Variants in LUZP2 observed in about 807,000 individuals in gnomAD.
The protein encoded by LUZP2 is leucine zipper protein 2.
In LUZP2, 52 loss-of-function variants were observed where a neutral mutation model predicts 51.6. The ratio of observed to expected loss-of-function variants is 1.01; its 90% CI spans 0.81 to 1.27. LUZP2 has a LOEUF of 1.27. Among genes scored for constraint, LUZP2 ranks in the 50% most tolerant of loss-of-function variants. The pLI is 0.00. For missense variants in LUZP2, 436 were observed against 395.4 expected (o/e 1.10, Z -0.87); for synonymous variants, 154 against 137.3 (o/e 1.12, Z -0.85).
chr11:24,542,377 A>G (rs1485391130), intron 1 of LUZP2, among the ~76,000 whole-genome samples: 1 of 152,070 alleles, frequency 6.6e-6, no homozygotes, highest in Non-Finnish European at 1.5e-5. Context: ...ATGAGGTCAT[A>G]CCCACACCTG....
At chr11:24,547,281 A>G (rs183145083) in intron 1 of LUZP2, among the ~76,000 whole-genome samples, 1 of 152,060 alleles carries the variant, frequency 6.6e-6, no homozygotes, top group Admixed American at 6.6e-5. Flanking sequence ...AACAAAAAGA[A>G]CAAGCTGGAG....
intron 9 of LUZP2, 57 bp from the exon 10 acceptor site, chr11:25,049,981 C>T: frequency 1.0e-6 from 1 of 972,610 alleles, no homozygotes; most frequent in South Asian, 1.8e-5. Context: ...TTTGTTCAAA[C>T]TATTTCTCTT....
chr11:24,498,423 T>C (rs1438712431), intron 1 of LUZP2, among the ~76,000 whole-genome samples: 1 of 152,220 alleles, frequency 6.6e-6, no homozygotes, highest in Non-Finnish European at 1.5e-5. Context: ...TCTACACACC[T>C]TCTTTCAGGC....
At chr11:24,571,763 G>A (rs894947121) in intron 1 of LUZP2, among the ~76,000 whole-genome samples, 3 of 152,030 alleles carry the variant, frequency 2.0e-5, no homozygotes, top group Non-Finnish European at 4.4e-5. Context: ...TTCTTGAGAA[G>A]TAACGACTGC....
chr11:24,575,319 G>A (rs1852607403), intron 1 of LUZP2, among the ~76,000 whole-genome samples: 1 of 151,954 alleles, frequency 6.6e-6, no homozygotes, highest in Admixed American at 6.6e-5. Flanking sequence ...GATATCTTTG[G>A]TCAGTTATTG....
intron 1 of LUZP2, among the ~76,000 whole-genome samples, chr11:24,531,301 A>C (rs1248628039): frequency 1.3e-5 from 2 of 150,752 alleles, no homozygotes; most frequent in Non-Finnish European, 3.0e-5. Flanking sequence ...TAATTATAAT[A>C]ATTTTAATTG....
At chr11:24,621,362 C>T (rs1854488341) in intron 1 of LUZP2, among the ~76,000 whole-genome samples, 1 of 152,172 alleles carries the variant, frequency 6.6e-6, no homozygotes, top group Non-Finnish European at 1.5e-5. Flanking sequence ...AAGCCCTATG[C>T]TTGCAGCAAT....
chr11:24,581,198 A>C (rs1852840107), intron 1 of LUZP2, among the ~76,000 whole-genome samples: 1 of 125,014 alleles, frequency 8.0e-6, no homozygotes. Context: ...TTCACTGGCC[A>C]AAAAAAAAAA....
At chr11:24,699,927 C>T (rs1857372990) in intron 1 of LUZP2, among the ~76,000 whole-genome samples, 1 of 151,354 alleles carries the variant, frequency 6.6e-6, no homozygotes, top group Non-Finnish European at 1.5e-5. Context: ...CCAACAACAA[C>T]AGAAGAGGGT....
At chr11:24,896,902 A>T (rs1853082260) in intron 5 of LUZP2, among the ~76,000 whole-genome samples, 1 of 152,168 alleles carries the variant, frequency 6.6e-6, no homozygotes, top group South Asian at 2.1e-4. Flanking sequence ...GGACTTGGAG[A>T]AATTTTATGT....
intron 9 of LUZP2, among the ~76,000 whole-genome samples, chr11:25,036,852 T>A (rs928278588): frequency 2.0e-5 from 3 of 152,066 alleles, no homozygotes; most frequent in African/African-American, 4.8e-5. Flanking sequence ...TAAAAAAAAA[T>A]TTCGAGGCTT....
chr11:24,618,696 C>G (rs528531617), intron 1 of LUZP2, among the ~76,000 whole-genome samples: 1 of 152,280 alleles, frequency 6.6e-6, no homozygotes, highest in African/African-American at 2.4e-5. Flanking sequence ...GTTCTAGATT[C>G]ATCAGTCGGT....
chr11:24,793,296 T>C (rs1590538395), intron 5 of LUZP2, among the ~76,000 whole-genome samples: 1 of 152,272 alleles, frequency 6.6e-6, no homozygotes, highest in Non-Finnish European at 1.5e-5. Context: ...ATATGGTTAT[T>C]TGATGTACAA....
chr11:24,941,271 C>T (rs1854737940), intron 7 of LUZP2, among the ~76,000 whole-genome samples: 1 of 152,106 alleles, frequency 6.6e-6, no homozygotes, highest in South Asian at 2.1e-4. Context: ...GTATGTTTTT[C>T]CAAAATATTA....
At position 25,078,836 on chromosome 11, in the gene LUZP2, TA is replaced by T; in HGVS notation, c.*180del. 1.8e-6 allele frequency: 1 copy of T among 547,794 alleles called. No individual in the cohort carries two copies. Among genetic ancestry groups the T allele is most frequent in the African/African-American group, 1.9e-5 (1 of 51,382 alleles). 33.9% of individuals were successfully genotyped at this position (547,794 alleles called of 1,614,324 possible). A position where few individuals can be genotyped will look rare whatever the true frequency, so the allele number is the denominator to read the frequency against. On this transcript the variant is annotated 3_prime_UTR_variant, in exon 12 of 12. Coordinates refer to ENST00000336930, the MANE Select transcript of LUZP2 (RefSeq NM_001009909.4). Reference sequence around the variant, plus strand: ...CAGACCAATTATGATCCTTAAGCAATAACCTCATTGAATTGAATACCCACAG... The same window carrying T: ...CAGACCAATTATGATCCTTAAGCAATACCTCATTGAATTGAATACCCACAG...
intron 1 of LUZP2, among the ~76,000 whole-genome samples, chr11:24,722,697 C>A (rs1485602539): frequency 6.6e-6 from 1 of 152,044 alleles, no homozygotes; most frequent in African/African-American, 2.4e-5. Context: ...GCAGGAGGAT[C>A]ATTTGAGGTC....
chr11:24,600,560 A>G (rs1853595987), intron 1 of LUZP2, among the ~76,000 whole-genome samples: 1 of 152,176 alleles, frequency 6.6e-6, no homozygotes, highest in South Asian at 2.1e-4. Context: ...GAGACACCCT[A>G]GTTCAAATTC....
At chr11:24,860,346 G>C (rs1157404067) in intron 5 of LUZP2, among the ~76,000 whole-genome samples, 1 of 152,160 alleles carries the variant, frequency 6.6e-6, no homozygotes, top group African/African-American at 2.4e-5. Flanking sequence ...CTGCAAACCA[G>C]CAGACTTAGC....
chr11:24,997,565 A>G (rs1399207454), intron 9 of LUZP2, among the ~76,000 whole-genome samples: 2 of 152,090 alleles, frequency 1.3e-5, no homozygotes, highest in Admixed American at 1.3e-4. Flanking sequence ...CCCATTTTGT[A>G]GGTTGCCTGT....
Sources: allele counts gnomAD v4.1 joint callset (sites outside exome capture counted in the v4.1 genomes callset), GRCh38; gene constraint gnomAD v4.1.1; transcripts MANE v1.5; gene names NCBI Gene and HGNC (gene_info 2026-07-23, HGNC 2026-07-21).